HTR1F: variants seen among roughly 807,000 people sequenced by gnomAD.
HTR1F encodes 5-hydroxytryptamine (serotonin) receptor 1F, G protein-coupled.
A neutral mutation model predicts 24.0 loss-of-function variants in HTR1F; 17 were observed. The observed-to-expected ratio is 0.71, with a 90% CI of 0.48 to 1.06. HTR1F has a LOEUF of 1.06. Ranked by LOEUF, HTR1F falls within the 50% of genes least tolerant of loss-of-function variation. The pLI is 0.00. For missense variants in HTR1F, 391 were observed against 427.8 expected (o/e 0.91, Z 0.76); for synonymous variants, 186 against 156.8 (o/e 1.19, Z -1.39).
chr3:87,838,861 A>G (rs2107171913), intron 2 of HTR1F, among the ~76,000 whole-genome samples: 1 of 150,824 alleles, frequency 6.6e-6, no homozygotes, highest in African/African-American at 2.5e-5. Context: ...CCCATTTTTA[A>G]GTAAGGCTGT....
At chr3:87,809,769 CAT>C (rs1245371740) in intron 1 of HTR1F, among the ~76,000 whole-genome samples, 3 of 152,000 alleles carry the variant, frequency 2.0e-5, no homozygotes, top group African/African-American at 7.2e-5. Context: ...CTTAAAAACA[CAT>C]GATTGTCCGA....
intron 2 of HTR1F, among the ~76,000 whole-genome samples, chr3:87,958,071 G>T (rs1193537921): frequency 6.6e-6 from 1 of 151,430 alleles, no homozygotes; most frequent in Non-Finnish European, 1.5e-5. Flanking sequence ...TTGACATACA[G>T]TATTTTAATT....
chr3:87,862,649 A>T (rs1325121439), intron 2 of HTR1F, among the ~76,000 whole-genome samples: 1 of 151,872 alleles, frequency 6.6e-6, no homozygotes, highest in African/African-American at 2.4e-5. Flanking sequence ...CTAGAAACCC[A>T]CTCTTTATGG....
At chr3:87,907,590 A>G (rs901980773) in intron 2 of HTR1F, among the ~76,000 whole-genome samples, 4 of 152,092 alleles carry the variant, frequency 2.6e-5, no homozygotes, top group African/African-American at 9.7e-5. Context: ...AAAAGCCACC[A>G]TAGTCCCCAT....
intron 2 of HTR1F, among the ~76,000 whole-genome samples, chr3:87,831,330 A>AATTATT (rs58022545): frequency 0.013 from 1,899 of 142,380 alleles, 5 homozygotes; most frequent in East Asian, 0.022. Flanking sequence ...GATATTAAGA[A>AATTATT]ATTATTATTA....
intron 2 of HTR1F, among the ~76,000 whole-genome samples, chr3:87,943,874 C>A: frequency 6.6e-6 from 1 of 152,068 alleles, no homozygotes; most frequent in Non-Finnish European, 1.5e-5. Flanking sequence ...TCAAATTGAT[C>A]CCAGTTCTCC....
At chr3:87,932,853 T>A (rs1208628916) in intron 2 of HTR1F, among the ~76,000 whole-genome samples, 1 of 151,800 alleles carries the variant, frequency 6.6e-6, no homozygotes, top group African/African-American at 2.4e-5. Flanking sequence ...ACTCATTTTA[T>A]GAGGCCAGCA....
intron 1 of HTR1F, among the ~76,000 whole-genome samples, chr3:87,813,493 T>C (rs1704195361): frequency 1.3e-5 from 2 of 152,224 alleles, no homozygotes; most frequent in African/African-American, 4.8e-5. Flanking sequence ...GGTGAGACTT[T>C]GGACTGTGGA....
At chr3:87,916,302 C>CAAAAAAAAAAAAAAAAAAAAAAAAA (rs1227296855) in intron 2 of HTR1F, among the ~76,000 whole-genome samples, 1 of 23,194 alleles carries the variant, frequency 4.3e-5, no homozygotes, top group Non-Finnish European at 9.9e-5. Flanking sequence ...AGTTAAAAAG[C>CAAAAAAAAAAAAAAAAAAAAAAAAA]AAAAAAGAAA....
chr3:87,797,114 T>C (rs191803406), intron 1 of HTR1F, among the ~76,000 whole-genome samples: 30 of 152,294 alleles, frequency 2.0e-4, no homozygotes, highest in Non-Finnish European at 4.0e-4. Context: ...TCATTCTGAG[T>C]ATTGTTATAA....
chr3:87,848,730 C>G (rs1284733248), intron 2 of HTR1F, among the ~76,000 whole-genome samples: 1 of 151,682 alleles, frequency 6.6e-6, no homozygotes, highest in Non-Finnish European at 1.5e-5. Flanking sequence ...CCCAAAATCT[C>G]CTTAAGCTGA....
chr3:87,870,921 T>G (rs1337146731), intron 2 of HTR1F, among the ~76,000 whole-genome samples: 1 of 151,866 alleles, frequency 6.6e-6, no homozygotes, highest in Non-Finnish European at 1.5e-5. Context: ...GGTGAAAGTC[T>G]TCTCTTGTAT....
intron 2 of HTR1F, among the ~76,000 whole-genome samples, chr3:87,882,777 G>A (rs1360902070): frequency 6.6e-6 from 1 of 151,836 alleles, no homozygotes; most frequent in East Asian, 1.9e-4. Flanking sequence ...AGTGGGTGCA[G>A]CGCACCAGCA....
At chr3:87,799,794 C>T (rs574329199) in intron 1 of HTR1F, among the ~76,000 whole-genome samples, 1 of 152,236 alleles carries the variant, frequency 6.6e-6, no homozygotes, top group Non-Finnish European at 1.5e-5. Context: ...CTAGCCCAAT[C>T]CTCCCTATTA....
chr3:87,905,983 G>C (rs1259355578), intron 2 of HTR1F, among the ~76,000 whole-genome samples: 1 of 152,020 alleles, frequency 6.6e-6, no homozygotes, highest in Non-Finnish European at 1.5e-5. Flanking sequence ...TAGGATGGCT[G>C]GCAAGGTTCA....
chr3:87,950,479 C>G (rs1406175234), intron 2 of HTR1F, among the ~76,000 whole-genome samples: 1 of 151,636 alleles, frequency 6.6e-6, no homozygotes, highest in Non-Finnish European at 1.5e-5. Context: ...TTGACTCCTT[C>G]TGGTCCTTCA....
In HTR1F at chr3:87,834,971, T is replaced by C. The variant is rs188766836; in HGVS notation, c.-43+12847T>C. On this transcript the variant is annotated intron_variant, in intron 2 of 2. Coordinates refer to ENST00000319595, the MANE Select transcript of HTR1F (RefSeq NM_001322209.2). ...AATATCTGACCCTTTACAGAAAGTC[T>C]ATGGATGCCTCAGTTTAGAAAGATT... 6.6e-5 allele frequency among the ~76,000 whole-genome samples: 10 copies of C among 152,282 alleles called. No individual in the cohort carries two copies. In the East Asian group the frequency reaches 1.9e-3, roughly 29 times the overall value.
chr3:87,982,694 A>G (rs1161103052), intron 2 of HTR1F, among the ~76,000 whole-genome samples: 6 of 152,176 alleles, frequency 3.9e-5, no homozygotes, highest in Non-Finnish European at 7.3e-5. Flanking sequence ...TAGTGAAGGT[A>G]AATTTCTAAC....
At chr3:87,947,041 T>C (rs1704727679) in intron 2 of HTR1F, among the ~76,000 whole-genome samples, 1 of 152,226 alleles carries the variant, frequency 6.6e-6, no homozygotes, top group Non-Finnish European at 1.5e-5. Flanking sequence ...TGTGAATATT[T>C]TGAATCTAAG....
Sources: allele counts gnomAD v4.1 joint callset (sites outside exome capture counted in the v4.1 genomes callset), GRCh38; gene constraint gnomAD v4.1.1; transcripts MANE v1.5; gene names NCBI Gene and HGNC (gene_info 2026-07-23, HGNC 2026-07-21).